The following PAK3 variants were observed in gnomAD, a reference collection of about 807,000 sequenced individuals.
PAK3 encodes p21 (RAC1) activated kinase 3.
Under a neutral mutation model 41.0 loss-of-function variants are expected in PAK3, and 4 were observed. The observed-to-expected ratio is 0.10, with a 90% CI of 0.05 to 0.22. PAK3 has a LOEUF of 0.22. PAK3 is among the 10% of genes least tolerant of loss of function. The pLI is 1.00. For synonymous variants in PAK3, 146 were observed against 139.6 expected, an observed-to-expected ratio of 1.05 and a Z score of -0.32; for missense variants, 205 against 409.9, an observed-to-expected ratio of 0.50 and a Z score of 4.32.
chrX:111,022,349 C>CT (rs1267995731), intron 1 of PAK3, among the ~76,000 whole-genome samples: 1 of 111,910 alleles, frequency 8.9e-6, no homozygotes, highest in Non-Finnish European at 1.9e-5. Context: ...ACCCTATAAG[C>CT]TAGAAGGGTT....
At chrX:111,138,420 C>T (rs925869434) in intron 5 of PAK3, among the ~76,000 whole-genome samples, 1 of 111,234 alleles carries the variant, frequency 9.0e-6, no homozygotes, top group Non-Finnish European at 1.9e-5. Context: ...GTAAAAAATA[C>T]CAATCCTATG....
At chrX:110,986,099 G>T (rs1406180243) in intron 1 of PAK3, among the ~76,000 whole-genome samples, 1 of 111,812 alleles carries the variant, frequency 8.9e-6, no homozygotes, top group Admixed American at 9.5e-5. Flanking sequence ...AAATTTAAAA[G>T]CTGAGATATC....
Position 111,066,206 on chromosome X carries a change from A to G in PAK3, c.-27-56871A>G, listed in dbSNP as rs574420429. 1.7e-4 allele frequency among the ~76,000 whole-genome samples: 19 copies of G among 112,054 alleles called. No individual in the cohort carries two copies. The South Asian group carries it at 5.2e-3, about 31-fold the overall frequency. On this transcript the variant is annotated intron_variant, in intron 1 of 14. Transcript: ENST00000425146. Reference sequence around the variant, plus strand: ...GTTGGTTAGCACTATCAACTTTCCTATTAACACTGCTTTTACTGCATCCCA... The same window carrying G: ...GTTGGTTAGCACTATCAACTTTCCTGTTAACACTGCTTTTACTGCATCCCA...
chrX:111,036,548 A>T (rs747098518), intron 1 of PAK3, among the ~76,000 whole-genome samples: 3 of 111,959 alleles, frequency 2.7e-5, no homozygotes, highest in Non-Finnish European at 3.8e-5. Context: ...CACTCTCACG[A>T]GAACAGCATA....
chrX:111,157,787 CA>C (rs769777507), intron 8 of PAK3, among the ~76,000 whole-genome samples: 1,265 of 71,505 alleles, frequency 0.018, 9 homozygotes, highest in African/African-American at 0.026. Context: ...AACTCCATCT[CA>C]AAAAAAAAAA....
intron 7 of PAK3, among the ~76,000 whole-genome samples, chrX:111,150,595 A>G (rs930211151): frequency 5.4e-5 from 6 of 111,170 alleles, no homozygotes; most frequent in Non-Finnish European, 1.1e-4. Context: ...CCCATGATAA[A>G]CCCATCAGAT....
intron 11 of PAK3, among the ~76,000 whole-genome samples, chrX:111,180,073 T>A (rs1024196907): frequency 2.7e-5 from 3 of 111,734 alleles, no homozygotes; most frequent in Non-Finnish European, 3.8e-5. Flanking sequence ...CTTGCTTTTT[T>A]AATTGCCAGC....
At chrX:110,974,667 T>C (rs2091288787) in intron 1 of PAK3, among the ~76,000 whole-genome samples, 1 of 111,532 alleles carries the variant, frequency 9.0e-6, no homozygotes, top group Admixed American at 9.5e-5. Context: ...AAAAAGAGAA[T>C]TGTAGACCAA....
intron 1 of PAK3, among the ~76,000 whole-genome samples, chrX:111,021,977 A>C (rs1320687923): frequency 9.0e-6 from 1 of 111,663 alleles, no homozygotes; most frequent in African/African-American, 3.3e-5. Flanking sequence ...ATCAAAGAAA[A>C]AGAAAAAAGA....
intron 13 of PAK3, among the ~76,000 whole-genome samples, chrX:111,193,774 AAAAC>A (rs1210229433): frequency 2.0e-4 from 18 of 92,293 alleles, no homozygotes; most frequent in African/African-American, 1.4e-3. Context: ...ACAAAAAACA[AAAAC>A]AAAAAAAAAC....
chrX:111,164,811 T>C (rs763435140), intron 10 of PAK3, among the ~76,000 whole-genome samples: 1 of 111,997 alleles, frequency 8.9e-6, no homozygotes, highest in African/African-American at 3.2e-5. Flanking sequence ...TCAATCTTTT[T>C]TGGAAAATAC....
intron 1 of PAK3, among the ~76,000 whole-genome samples, chrX:111,060,660 A>T (rs933172449): frequency 1.8e-5 from 2 of 111,083 alleles, no homozygotes; most frequent in Non-Finnish European, 3.8e-5. Context: ...GCATTTTGTT[A>T]TGTCTCTTTA....
intron 1 of PAK3, among the ~76,000 whole-genome samples, chrX:111,062,229 T>A (rs1282440836): frequency 8.9e-6 from 1 of 111,986 alleles, no homozygotes; most frequent in African/African-American, 3.2e-5. Context: ...ACCACTGGAA[T>A]AGTAATTGTT....
intron 1 of PAK3, among the ~76,000 whole-genome samples, chrX:111,088,299 G>A (rs2092904850): frequency 1.8e-5 from 2 of 111,821 alleles, no homozygotes; most frequent in African/African-American, 6.5e-5. Flanking sequence ...GAGGTTCAGA[G>A]GGACTAAATA....
intron 4 of PAK3, among the ~76,000 whole-genome samples, chrX:111,103,684 A>G (rs950353434): frequency 8.9e-6 from 1 of 111,915 alleles, no homozygotes; most frequent in Non-Finnish European, 1.9e-5. Flanking sequence ...CTTTTCAGCC[A>G]CATGCTGCAA....
chrX:110,979,790 T>C (rs781373076), intron 1 of PAK3, among the ~76,000 whole-genome samples: 6 of 112,337 alleles, frequency 5.3e-5, no homozygotes, highest in Non-Finnish European at 1.1e-4. Context: ...GCTTTAGCAG[T>C]GTCCCACACA....
intron 11 of PAK3, among the ~76,000 whole-genome samples, chrX:111,175,329 T>G (rs1456195221): frequency 8.9e-6 from 1 of 111,907 alleles, no homozygotes; most frequent in Non-Finnish European, 1.9e-5. Flanking sequence ...TTCAAAACCT[T>G]AGTATGAAAA....
intron 13 of PAK3, among the ~76,000 whole-genome samples, chrX:111,193,348 CTTTT>C (rs758912089): frequency 0.013 from 1,147 of 86,196 alleles, 26 homozygotes; most frequent in African/African-American, 0.052. Context: ...TTTTACAGTC[CTTTT>C]TTTTTTTTTT....
At chrX:111,059,272 C>T (rs2092634231) in intron 1 of PAK3, among the ~76,000 whole-genome samples, 1 of 110,511 alleles carries the variant, frequency 9.0e-6, no homozygotes, top group South Asian at 4.0e-4. Flanking sequence ...TGACCTTCCA[C>T]TTCAGCCTCC....
Sources: allele counts gnomAD v4.1 joint callset (sites outside exome capture counted in the v4.1 genomes callset), GRCh38; gene constraint gnomAD v4.1.1; transcripts MANE v1.5; gene names NCBI Gene and HGNC (gene_info 2026-07-23, HGNC 2026-07-21).